WAC: variants seen among roughly 807,000 people sequenced by gnomAD.
The protein encoded by WAC is WW domain containing adaptor with coiled-coil.
WAC carries 11 observed loss-of-function variants against 79.6 expected under a neutral mutation model. The ratio of observed to expected loss-of-function variants is 0.14; its 90% CI spans 0.09 to 0.23. The LOEUF is 0.23. Among genes scored for constraint, WAC ranks in the 10% least tolerant of loss-of-function variants. WAC has a pLI of 1.00. For missense variants in WAC, 728 were observed against 773.5 expected, an observed-to-expected ratio of 0.94 and a Z score of 0.70; for synonymous variants, 304 against 276.9, an observed-to-expected ratio of 1.10 and a Z score of -0.97.
At chr10:28,545,590 G>T (rs1255841628) in intron 3 of WAC, among the ~76,000 whole-genome samples, 1 of 152,208 alleles carries the variant, frequency 6.6e-6, no homozygotes, top group Non-Finnish European at 1.5e-5. Context: ...CTCTGAAGTG[G>T]ACATTAAGGA....
chr10:28,585,895 A>C (rs968619364), intron 4 of WAC, among the ~76,000 whole-genome samples: 2 of 152,256 alleles, frequency 1.3e-5, no homozygotes, highest in Admixed American at 6.5e-5. Context: ...AGTCAGAAAG[A>C]ATAAATAATG....
intron 12 of WAC, 66 bp downstream of exon 12, chr10:28,616,428 A>G: frequency 2.3e-6 from 3 of 1,293,236 alleles, no homozygotes; most frequent in Non-Finnish European, 3.1e-6. Context: ...ATCAACTTCT[A>G]GAGAATCTAA....
At chr10:28,537,012 A>G (rs1267825923) in intron 3 of WAC, among the ~76,000 whole-genome samples, 5 of 152,204 alleles carry the variant, frequency 3.3e-5, no homozygotes, top group Non-Finnish European at 7.3e-5. Flanking sequence ...TAGGATAGAA[A>G]TCAGCTTTAT....
intron 6 of WAC, chr10:28,591,231 A>G (rs332153): frequency 0.19 from 34,309 of 180,254 alleles, 3,954 homozygotes; most frequent in Non-Finnish European, 0.25. Context: ...AGCTACACAC[A>G]GTGACACCAG....
Position 28,556,715 on chromosome 10 carries a change from T to C in WAC, c.274+20958T>C, listed in dbSNP as rs538978653. 2.6e-5 allele frequency among the ~76,000 whole-genome samples: 4 copies of C among 152,244 alleles called. No homozygotes were observed. In the South Asian group the frequency reaches 6.2e-4, roughly 24 times the overall value. On this transcript the variant is annotated intron_variant, in intron 3 of 13. Transcript: ENST00000354911. ...TCAGACCTTATATTTTCAGTTGTTA[T>C]TCATTTTGAGTTACTGATTGTATAT...
At chr10:28,557,802 C>T (rs546581185) in intron 3 of WAC, among the ~76,000 whole-genome samples, 1 of 152,240 alleles carries the variant, frequency 6.6e-6, no homozygotes, top group Non-Finnish European at 1.5e-5. Context: ...GGGTCAGGCT[C>T]AGTGGCTCAC....
intron 3 of WAC, among the ~76,000 whole-genome samples, chr10:28,576,079 G>A (rs1468968221): frequency 6.6e-6 from 1 of 152,102 alleles, no homozygotes; most frequent in Non-Finnish European, 1.5e-5. Flanking sequence ...CTAGGTTTGC[G>A]TTAGTACACT....
rs1841471292 is a variant in WAC, at chr10:28,616,444, C to T, written c.1746+82C>T. On this transcript the variant is annotated intron_variant, in intron 12 of 13. Coordinates refer to ENST00000354911, the MANE Select transcript of WAC (RefSeq NM_016628.5). ...TCAACTTCTAGAGAATCTAATGTGA[C>T]CACTGAATTCAAGCAATATTTAAAA... is the stretch of plus-strand genomic sequence containing the variant. The T allele has an allele frequency of 5.4e-6, 6 of 1,109,248 alleles. No homozygotes were observed. In the East Asian group the frequency reaches 1.6e-4, roughly 30 times the overall value. 68.7% of individuals were successfully genotyped at this position (1,109,248 alleles called of 1,614,324 possible).
chr10:28,587,122 G>GT (rs1176775555), intron 4 of WAC, among the ~76,000 whole-genome samples: 1 of 151,990 alleles, frequency 6.6e-6, no homozygotes, highest in Non-Finnish European at 1.5e-5. Flanking sequence ...GAAAGAAAAA[G>GT]TTTGAGTCTC....
chr10:28,614,759 T>C, intron 11 of WAC, 74 bp downstream of exon 11: 3 of 1,222,866 alleles, frequency 2.5e-6, no homozygotes, highest in Non-Finnish European at 3.5e-6. Context: ...GAATATTATA[T>C]CTGTAAAATA....
intron 4 of WAC, among the ~76,000 whole-genome samples, chr10:28,587,270 C>T (rs960200533): frequency 1.4e-4 from 22 of 152,176 alleles, no homozygotes; most frequent in African/African-American, 5.1e-4. Context: ...CATTGAACAT[C>T]TTAGTAATGT....
At chr10:28,571,798 G>C (rs1838985558) in intron 3 of WAC, among the ~76,000 whole-genome samples, 1 of 152,132 alleles carries the variant, frequency 6.6e-6, no homozygotes, top group East Asian at 1.9e-4. Context: ...ACCTGCCTCT[G>C]TTTCTTTTTG....
At chr10:28,544,852 T>C (rs1837263336) in intron 3 of WAC, among the ~76,000 whole-genome samples, 1 of 151,916 alleles carries the variant, frequency 6.6e-6, no homozygotes, top group Non-Finnish European at 1.5e-5. Context: ...TCACCTGAGC[T>C]CAGGAGTTTG....
chr10:28,590,511 G>C (rs1360374874), intron 5 of WAC, among the ~76,000 whole-genome samples: 1 of 152,078 alleles, frequency 6.6e-6, no homozygotes, highest in Non-Finnish European at 1.5e-5. Context: ...GGCGTTAGTG[G>C]TATAACAATT....
At chr10:28,563,822 G>T (rs1301504533) in intron 3 of WAC, among the ~76,000 whole-genome samples, 1 of 142,656 alleles carries the variant, frequency 7.0e-6, no homozygotes, top group African/African-American at 2.6e-5. Flanking sequence ...GGATGGTCGT[G>T]ATCTCCTGAC....
intron 3 of WAC, among the ~76,000 whole-genome samples, chr10:28,580,561 TGGATTACTCTG>T (rs1169184454): frequency 6.6e-6 from 1 of 152,220 alleles, no homozygotes; most frequent in Non-Finnish European, 1.5e-5. Context: ...GGCTTTTTAA[TGGATTACTCTG>T]GGATTTATTT....
intron 3 of WAC, among the ~76,000 whole-genome samples, chr10:28,562,343 A>T (rs964307282): frequency 6.6e-6 from 1 of 152,192 alleles, no homozygotes; most frequent in African/African-American, 2.4e-5. Context: ...GGCATCAGCC[A>T]CCAGGCCCAG....
chr10:28,558,664 C>T (rs561781606), intron 3 of WAC, among the ~76,000 whole-genome samples: 3 of 152,042 alleles, frequency 2.0e-5, no homozygotes, highest in African/African-American at 7.3e-5. Context: ...GTATCAGAGA[C>T]TAAAATCATG....
intron 3 of WAC, among the ~76,000 whole-genome samples, chr10:28,581,751 G>A (rs746281316): frequency 1.6e-4 from 24 of 151,898 alleles, no homozygotes; most frequent in Non-Finnish European, 2.5e-4. Context: ...AGTAGAGATG[G>A]GGTTTTACCA....
Sources: allele counts gnomAD v4.1 joint callset (sites outside exome capture counted in the v4.1 genomes callset), GRCh38; gene constraint gnomAD v4.1.1; transcripts MANE v1.5; gene names NCBI Gene and HGNC (gene_info 2026-07-23, HGNC 2026-07-21).